Variants in UNC13C observed in about 807,000 individuals in gnomAD.
UNC13C encodes protein unc-13 homolog C.
UNC13C carries 174 observed loss-of-function variants against 245.4 expected under a neutral mutation model. The ratio of observed to expected loss-of-function variants is 0.71; its 90% confidence interval spans 0.63 to 0.80. UNC13C has a LOEUF of 0.80. UNC13C is among the 30% of genes least tolerant of loss of function. UNC13C has a pLI of 0.00. For synonymous variants in UNC13C, 992 were observed against 895.1 expected, an observed-to-expected ratio of 1.11 and a Z score of -1.93; for missense variants, 2,829 against 2,602.9, an observed-to-expected ratio of 1.09 and a Z score of -1.89.
rs200025879 is a variant in UNC13C at position 54,546,711 on chromosome 15, T to TATA, written c.5697-11_5697-10insATA. The stretch of plus-strand genomic sequence containing the variant: ...TTTAAAAGTGAATATATATATATAT[T>TATA]TTTTTTTCAGATTAAGTCTCTCAGC... On this transcript the variant is annotated splice_polypyrimidine_tract_variant and intron_variant, in intron 26 of 32. Transcript: ENST00000260323. The TATA allele has an allele frequency of 3.6e-5, 51 of 1,433,252 alleles. 1 individual carries two copies. The African/African-American group carries it at 6.0e-4, about 17-fold the overall frequency. The allele number at this position is 1,433,252 out of a possible 1,614,324, so 88.8% of individuals were successfully genotyped here.
At chr15:54,594,902 C>T (rs539132419) in intron 30 of UNC13C, among the ~76,000 whole-genome samples, 7 of 152,312 alleles carry the variant, frequency 4.6e-5, no homozygotes, top group Admixed American at 6.5e-5. Flanking sequence ...TCCAGGGGAC[C>T]GGAGCATCGG....
chr15:54,044,375 G>A (rs751041994), intron 2 of UNC13C: 10 of 263,896 alleles, frequency 3.8e-5, no homozygotes, highest in South Asian at 3.5e-4. Flanking sequence ...TATTGTGAAT[G>A]CGGCTATGAA....
chr15:54,323,322 T>G (rs1415687213), intron 14 of UNC13C, among the ~76,000 whole-genome samples: 1 of 151,980 alleles, frequency 6.6e-6, no homozygotes, highest in African/African-American at 2.4e-5. Flanking sequence ...GAAAGTATAA[T>G]TGTTATTTAA....
chr15:53,906,067 C>T, the UNC13C span, among the ~76,000 whole-genome samples: 1 of 152,136 alleles, frequency 6.6e-6, no homozygotes, highest in African/African-American at 2.4e-5. Context: ...GGCACAGTGG[C>T]TCACATCTGT....
chr15:54,622,313 C>T lies in UNC13C; in HGVS notation c.6107-14C>T, dbSNP rs1900846207. On this transcript the variant is annotated splice_polypyrimidine_tract_variant and intron_variant, in intron 30 of 32. Transcript: ENST00000260323. Reference sequence around the variant, plus strand: ...TCTGAAAGCTCAGGCCAGTAAGCCTCTGCTTATTTTCAGGTCGTTCCTCCA... The same window carrying T: ...TCTGAAAGCTCAGGCCAGTAAGCCTTTGCTTATTTTCAGGTCGTTCCTCCA... 6.3e-7 allele frequency: 1 copy of T among 1,597,048 alleles called. No individual in the cohort carries two copies. Among genetic ancestry groups the T allele is most frequent in the East Asian group, 2.2e-5 (1 of 44,772 alleles).
At chr15:53,899,644 A>T in the UNC13C span, among the ~76,000 whole-genome samples, 4 of 152,044 alleles carry the variant, frequency 2.6e-5, no homozygotes, top group African/African-American at 9.7e-5. Flanking sequence ...GGCTCACCGC[A>T]ACATCCACCT....
intron 2 of UNC13C, among the ~76,000 whole-genome samples, chr15:54,027,047 C>G (rs774017378): frequency 4.3e-4 from 66 of 151,822 alleles, no homozygotes; most frequent in Non-Finnish European, 8.5e-4. Context: ...GGTATTTGAT[C>G]TGAGATTTGA....
intron 4 of UNC13C, among the ~76,000 whole-genome samples, chr15:54,230,905 A>C (rs1206867144): frequency 6.6e-6 from 1 of 152,088 alleles, no homozygotes; most frequent in East Asian, 1.9e-4. Flanking sequence ...AAAACTTTGT[A>C]ATAGAGCTGA....
At chr15:54,084,003 G>C (rs1366464436) in intron 2 of UNC13C, among the ~76,000 whole-genome samples, 1 of 152,236 alleles carries the variant, frequency 6.6e-6, no homozygotes, top group Non-Finnish European at 1.5e-5. Flanking sequence ...GTTGTCCAGG[G>C]CTGTGAGTGC....
At chr15:53,891,491 G>T in the UNC13C span, among the ~76,000 whole-genome samples, 2 of 152,044 alleles carry the variant, frequency 1.3e-5, no homozygotes, top group Non-Finnish European at 2.9e-5. Flanking sequence ...TCATTGTGTG[G>T]GAGTCTAAGT....
chr15:53,913,953 C>T, the UNC13C span: 1 of 152,252 alleles, frequency 6.6e-6, no homozygotes, highest in East Asian at 1.9e-4. Flanking sequence ...GCAATGTGAA[C>T]AGTAATCACC....
intron 10 of UNC13C, among the ~76,000 whole-genome samples, chr15:54,288,340 T>C (rs1269551177): frequency 6.6e-6 from 1 of 152,034 alleles, no homozygotes; most frequent in African/African-American, 2.4e-5. Flanking sequence ...GTGCCTACAC[T>C]CAAGGGTGAG....
At chr15:54,342,462 G>A (rs896809926) in intron 17 of UNC13C, among the ~76,000 whole-genome samples, 10 of 151,832 alleles carry the variant, frequency 6.6e-5, no homozygotes, top group African/African-American at 1.2e-4. Context: ...CTACTTAGGA[G>A]GTTAAGGTGG....
chr15:54,338,724 T>A (rs2038655490), intron 17 of UNC13C, among the ~76,000 whole-genome samples: 1 of 152,222 alleles, frequency 6.6e-6, no homozygotes, highest in Admixed American at 6.5e-5. Context: ...AGGTTTTAGC[T>A]GGAGAATCAG....
chr15:54,179,838 A>G (rs538094703), intron 4 of UNC13C, among the ~76,000 whole-genome samples: 1 of 152,226 alleles, frequency 6.6e-6, no homozygotes, highest in East Asian at 1.9e-4. Flanking sequence ...CACAACAAAG[A>G]TCACTGCAGT....
the UNC13C span, among the ~76,000 whole-genome samples, chr15:53,849,698 T>C: frequency 6.6e-6 from 1 of 152,188 alleles, no homozygotes; most frequent in East Asian, 1.9e-4. Context: ...AGTCACAAGA[T>C]TCCCATTCTT....
intron 2 of UNC13C, among the ~76,000 whole-genome samples, chr15:54,090,487 T>G (rs111379691): frequency 2.0e-5 from 3 of 152,156 alleles, no homozygotes; most frequent in African/African-American, 7.2e-5. Flanking sequence ...AACCCCAGCT[T>G]ACCAAAGATA....
intron 4 of UNC13C, among the ~76,000 whole-genome samples, chr15:54,183,107 CGAAA>C (rs997800465): frequency 2.7e-5 from 4 of 150,448 alleles, no homozygotes; most frequent in Non-Finnish European, 5.9e-5. Context: ...TTTACAAACC[CGAAA>C]GAAGTTAAAA....
intron 2 of UNC13C, among the ~76,000 whole-genome samples, chr15:54,077,981 C>G (rs76845657): frequency 0.05 from 7,546 of 152,224 alleles, 455 homozygotes; most frequent in East Asian, 0.3. Context: ...CTCCCAGCCT[C>G]CCCTACATTG....
Sources: allele counts gnomAD v4.1 joint callset (sites outside exome capture counted in the v4.1 genomes callset), GRCh38; gene constraint gnomAD v4.1.1; transcripts MANE v1.5; gene names NCBI Gene and HGNC (gene_info 2026-07-23, HGNC 2026-07-21).